The following LINGO2 variants were observed in gnomAD, a reference collection of about 807,000 sequenced individuals.
The protein encoded by LINGO2 is leucine rich repeat and Ig domain containing 2.
In LINGO2, 14 loss-of-function variants were observed where a neutral mutation model predicts 30.6. The ratio of observed to expected loss-of-function variants is 0.46; its 90% CI spans 0.30 to 0.72. The LOEUF is 0.72. Among genes scored for constraint, LINGO2 ranks in the 30% least tolerant of loss-of-function variants. The probability of loss-of-function intolerance (pLI) is 0.07; values close to 1 mark genes in which losing one functional copy is unlikely to be tolerated. For missense variants in LINGO2, 729 were observed against 751.7 expected, an observed-to-expected ratio of 0.97 and a Z score of 0.35; for synonymous variants, 317 against 288.5, an observed-to-expected ratio of 1.10 and a Z score of -1.00.
At chr9:28,089,608 A>T (rs1477400138) in intron 4 of LINGO2, among the ~76,000 whole-genome samples, 1 of 152,222 alleles carries the variant, frequency 6.6e-6, no homozygotes, top group Non-Finnish European at 1.5e-5. Context: ...CACAAGAGAA[A>T]GCAGGAAAGA....
the LINGO2 span, among the ~76,000 whole-genome samples, chr9:28,759,580 G>T: frequency 6.6e-6 from 1 of 151,850 alleles, no homozygotes; most frequent in Non-Finnish European, 1.5e-5. Context: ...TACTCGGGAG[G>T]CTGAGGCAGG....
At chr9:27,996,523 C>G (rs2119087704) in intron 5 of LINGO2, among the ~76,000 whole-genome samples, 1 of 152,136 alleles carries the variant, frequency 6.6e-6, no homozygotes, top group South Asian at 2.1e-4. Flanking sequence ...TGAAATAAGC[C>G]AGGCACAGAA....
chr9:28,003,366 GAT>G (rs1563901779), intron 5 of LINGO2, among the ~76,000 whole-genome samples: 4 of 145,240 alleles, frequency 2.8e-5, no homozygotes, highest in East Asian at 4.0e-4. Context: ...TAGATAGATA[GAT>G]AGATAGATAG....
the LINGO2 span, among the ~76,000 whole-genome samples, chr9:28,771,046 C>A: frequency 2.0e-5 from 3 of 152,138 alleles, no homozygotes; most frequent in Non-Finnish European, 4.4e-5. Context: ...TATCTTATCC[C>A]CAAGTCTTAC....
At chr9:28,577,641 C>A (rs751224843) in intron 1 of LINGO2, among the ~76,000 whole-genome samples, 4 of 152,236 alleles carry the variant, frequency 2.6e-5, no homozygotes, top group Admixed American at 2.6e-4. Flanking sequence ...TCTATCTGGG[C>A]AGCAGGCAAG....
At chr9:29,110,750 G>A in the LINGO2 span, among the ~76,000 whole-genome samples, 3 of 146,758 alleles carry the variant, frequency 2.0e-5, no homozygotes, top group Admixed American at 6.8e-5. Flanking sequence ...GAGTGCAGTG[G>A]TGCGATCTCG....
the LINGO2 span, among the ~76,000 whole-genome samples, chr9:29,111,927 G>GTGTATATATACATATATTTATATATGTA: frequency 6.7e-6 from 1 of 149,760 alleles, no homozygotes; most frequent in South Asian, 2.1e-4. Flanking sequence ...TTATATATGT[G>GTGTATATATACATATATTTATATATGTA]TGTATATATA....
At chr9:28,094,860 C>G (rs1156793693) in intron 4 of LINGO2, among the ~76,000 whole-genome samples, 1 of 152,068 alleles carries the variant, frequency 6.6e-6, no homozygotes, top group African/African-American at 2.4e-5. Context: ...CAAAAGTCCT[C>G]TTACTTAAAT....
At chr9:28,153,267 T>G (rs1487297052) in intron 4 of LINGO2, among the ~76,000 whole-genome samples, 1 of 152,200 alleles carries the variant, frequency 6.6e-6, no homozygotes. Flanking sequence ...TGAAAAATCC[T>G]TGTTACTTTT....
chr9:28,016,031 A>T (rs1039044118), intron 4 of LINGO2, among the ~76,000 whole-genome samples: 1 of 149,338 alleles, frequency 6.7e-6, no homozygotes, highest in Non-Finnish European at 1.5e-5. Context: ...TCAGGGATAT[A>T]TTAAGGAAAT....
At chr9:28,812,844 GA>G in the LINGO2 span, among the ~76,000 whole-genome samples, 2 of 152,082 alleles carry the variant, frequency 1.3e-5, no homozygotes, top group African/African-American at 4.8e-5. Context: ...ACATGATAAG[GA>G]GACAGTCTGG....
chr9:28,410,398 A>G lies in LINGO2; in HGVS notation c.-278-37530T>C, dbSNP rs150873996. Among the ~76,000 whole-genome samples, 27 of 152,270 alleles carry G rather than the reference A, an allele frequency of 1.8e-4. No individual in the cohort carries two copies. In the East Asian group the frequency reaches 4.8e-3, roughly 27 times the overall value. ...TGCATATTAAAATAAAAAGTCTAAG[A>G]GTCATTAACAGAACTGCACAGGCAT... On this transcript the variant is annotated intron_variant, in intron 2 of 5. Transcript: ENST00000379992.
the LINGO2 span, among the ~76,000 whole-genome samples, chr9:29,137,659 T>C: frequency 6.6e-6 from 1 of 152,150 alleles, no homozygotes; most frequent in Non-Finnish European, 1.5e-5. Flanking sequence ...GGCTCAAATT[T>C]GGCCTGCAAT....
At chr9:28,717,023 C>T in the LINGO2 span, among the ~76,000 whole-genome samples, 1 of 152,076 alleles carries the variant, frequency 6.6e-6, no homozygotes, top group Admixed American at 6.6e-5. Flanking sequence ...TTAATATAAG[C>T]TGTAAAAACA....
chr9:28,292,079 G>C (rs1823750816), intron 4 of LINGO2, among the ~76,000 whole-genome samples: 1 of 152,204 alleles, frequency 6.6e-6, no homozygotes, highest in African/African-American at 2.4e-5. Context: ...AGTATCCTGA[G>C]TTATCCTAAA....
At chr9:28,916,381 T>C in the LINGO2 span, among the ~76,000 whole-genome samples, 1 of 152,198 alleles carries the variant, frequency 6.6e-6, no homozygotes, top group Non-Finnish European at 1.5e-5. Flanking sequence ...TGGCATCTTT[T>C]AACGTCTGAT....
intron 2 of LINGO2, among the ~76,000 whole-genome samples, chr9:28,455,217 A>G (rs1276953728): frequency 6.6e-6 from 1 of 152,012 alleles, no homozygotes; most frequent in East Asian, 1.9e-4. Flanking sequence ...AGACATTAAC[A>G]TTTTAGGTGA....
chr9:28,062,502 A>T (rs1437728662), intron 4 of LINGO2, among the ~76,000 whole-genome samples: 2 of 142,602 alleles, frequency 1.4e-5, no homozygotes, highest in African/African-American at 5.4e-5. Flanking sequence ...TATACTATAC[A>T]TGTATATATA....
the LINGO2 span, among the ~76,000 whole-genome samples, chr9:28,816,463 A>T: frequency 6.6e-6 from 1 of 152,192 alleles, no homozygotes; most frequent in African/African-American, 2.4e-5. Flanking sequence ...TATTCTTTGC[A>T]ATTTAGGCAA....
Sources: gnomAD v4.1 joint callset for allele counts (sites outside exome capture counted in the v4.1 genomes callset) on GRCh38, gnomAD v4.1.1 for gene constraint, MANE v1.5 for transcripts, NCBI Gene and HGNC (gene_info 2026-07-23, HGNC 2026-07-21) for gene names.